The following TMCO4 variants were observed in gnomAD, a reference collection of about 807,000 sequenced individuals.
TMCO4 encodes the protein transmembrane and coiled-coil domains 4, also known as transmembrane and coiled-coil domain-containing protein 4.
In TMCO4, 58 loss-of-function variants were observed where a neutral mutation model predicts 64.7. That is an observed-to-expected ratio of 0.90 (90% CI 0.73 to 1.12). TMCO4 has a LOEUF of 1.12. Among genes scored for constraint, TMCO4 ranks in the 50% most tolerant of loss-of-function variants. The pLI is 0.00. For synonymous variants in TMCO4, 325 were observed against 346.1 expected, an observed-to-expected ratio of 0.94 and a Z score of 0.68; for missense variants, 780 against 825.9, an observed-to-expected ratio of 0.94 and a Z score of 0.68.
intron 13 of TMCO4, among the ~76,000 whole-genome samples, chr1:19,709,901 G>C (rs900732629): frequency 2.0e-5 from 3 of 150,836 alleles, no homozygotes; most frequent in Non-Finnish European, 2.9e-5. Flanking sequence ...TGATTCTCCT[G>C]CCTCAGCCTC....
intron 13 of TMCO4, among the ~76,000 whole-genome samples, chr1:19,728,913 C>G (rs1490108150): frequency 1.3e-5 from 2 of 152,200 alleles, no homozygotes; most frequent in Non-Finnish European, 2.9e-5. Flanking sequence ...GAGATCTTAG[C>G]TGAGGATTAA....
intron 4 of TMCO4, among the ~76,000 whole-genome samples, chr1:19,773,154 A>C (rs2101033918): frequency 6.6e-6 from 1 of 152,210 alleles, no homozygotes; most frequent in Admixed American, 6.5e-5. Context: ...GCACCACTGC[A>C]CTCCAGCCTG....
intron 13 of TMCO4, among the ~76,000 whole-genome samples, chr1:19,711,163 C>T (rs1228110321): frequency 6.6e-6 from 1 of 152,212 alleles, no homozygotes; most frequent in African/African-American, 2.4e-5. Flanking sequence ...CCACACATGC[C>T]TCATTTTATT....
At chr1:19,717,777 C>T (rs1223573619) in intron 13 of TMCO4, among the ~76,000 whole-genome samples, 1 of 152,222 alleles carries the variant, frequency 6.6e-6, no homozygotes, top group Non-Finnish European at 1.5e-5. Context: ...CTTTGAACTG[C>T]TGCAGCCCTT....
chr1:19,704,966 G>A (rs2095294530), intron 13 of TMCO4, among the ~76,000 whole-genome samples: 2 of 152,172 alleles, frequency 1.3e-5, no homozygotes, highest in South Asian at 4.1e-4. Context: ...GCCATGCCCA[G>A]ATGTACCCTT....
At chr1:19,705,723 G>T (rs2095299546) in intron 13 of TMCO4, among the ~76,000 whole-genome samples, 1 of 151,856 alleles carries the variant, frequency 6.6e-6, no homozygotes, top group Admixed American at 6.6e-5. Flanking sequence ...GAACGGGATG[G>T]TGTAGGAGGG....
At chr1:19,770,391 C>G in intron 6 of TMCO4, 151 bp downstream of exon 6, 1 of 790,942 alleles carries the variant, frequency 1.3e-6, no homozygotes, top group Non-Finnish European at 2.2e-6. Flanking sequence ...GAAGGGCTCA[C>G]CAGCTCACCA....
intron 2 of TMCO4, among the ~76,000 whole-genome samples, chr1:19,793,615 C>T (rs759097056): frequency 1.1e-4 from 16 of 152,164 alleles, no homozygotes; most frequent in African/African-American, 1.7e-4. Context: ...ACAGTTCCAA[C>T]GTAGAAGAAC....
chr1:19,710,380 T>C (rs964041535), intron 13 of TMCO4, among the ~76,000 whole-genome samples: 3 of 152,096 alleles, frequency 2.0e-5, no homozygotes, highest in South Asian at 2.1e-4. Flanking sequence ...CCCAAAGTGC[T>C]GGGATTCCAT....
chr1:19,696,411 A>T (rs527670835), intron 14 of TMCO4, among the ~76,000 whole-genome samples: 25 of 147,854 alleles, frequency 1.7e-4, no homozygotes, highest in Non-Finnish European at 3.4e-4. Context: ...TTAGCTGGGC[A>T]TGGTGGTGTG....
At chr1:19,687,666 A>G (rs941969353) in intron 15 of TMCO4, among the ~76,000 whole-genome samples, 1 of 152,206 alleles carries the variant, frequency 6.6e-6, no homozygotes, top group East Asian at 1.9e-4. Flanking sequence ...GGGACAAGTG[A>G]TAACTGCCTC....
At chr1:19,749,255 T>C (rs1215631872) in intron 7 of TMCO4, among the ~76,000 whole-genome samples, 2 of 152,204 alleles carry the variant, frequency 1.3e-5, no homozygotes, top group Non-Finnish European at 2.9e-5. Flanking sequence ...CAGTTATCCC[T>C]CTCTGCAGAA....
chr1:19,700,251 A>T (rs2095262952), intron 14 of TMCO4, among the ~76,000 whole-genome samples: 1 of 151,852 alleles, frequency 6.6e-6, no homozygotes, highest in Non-Finnish European at 1.5e-5. Flanking sequence ...AGGGTCTGTC[A>T]CCCTGTTTGG....
intron 1 of TMCO4, among the ~76,000 whole-genome samples, chr1:19,799,555 T>TCGCC: frequency 6.6e-6 from 1 of 152,140 alleles, no homozygotes; most frequent in East Asian, 1.9e-4. Context: ...GAGGCCGGAG[T>TCGCC]CGCCCGAGTG....
chr1:19,695,454 C>T (rs893023301), intron 14 of TMCO4, among the ~76,000 whole-genome samples: 2 of 152,238 alleles, frequency 1.3e-5, no homozygotes, highest in Non-Finnish European at 2.9e-5. Context: ...CCCCTCTGCA[C>T]CCCAGGCTCA....
chr1:19,780,742 C>G lies in TMCO4; in HGVS notation c.17G>C (p.Arg6Thr), dbSNP rs2043434345. Reference protein sequence around the residue: MAMWNRPCQRLPQQPL... With the variant: MAMWNTPCQRLPQQPL... ...CTGCTGAGGCAGCCTCTGGCATGGC[C>G]TGTTCCACATGGCCATTCCCAGCGC... The change falls in exon 4 of 16, where the codon AGG (arginine) becomes ACG (threonine). Residue 6 changes from arginine to threonine, a missense_variant. Physicochemically the swap from Arg to Thr is moderately conservative, Grantham distance 71. Coordinates refer to ENST00000294543, the MANE Select transcript of TMCO4 (RefSeq NM_181719.7). 6.3e-7 allele frequency: 1 copy of G among 1,591,048 alleles called. No homozygotes were observed. The highest frequency in any genetic ancestry group is 8.5e-7 in the Non-Finnish European group (1 of 1,173,384).
chr1:19,712,062 G>A lies in TMCO4; in HGVS notation c.1265-11177C>T, dbSNP rs540689232. ...TCCTCCCACCTCTGCATCCCAAAGC[G>A]CTGGGATTACAGGCATGAGCCACTG... is the stretch of plus-strand genomic sequence containing the variant. On this transcript the variant is annotated intron_variant, in intron 13 of 15. Transcript: ENST00000294543. 7.2e-5 allele frequency among the ~76,000 whole-genome samples: 11 copies of A among 152,168 alleles called. No homozygotes were observed. In the East Asian group the frequency reaches 9.7e-4, roughly 13 times the overall value.
chr1:19,715,524 GTATATTT>G (rs1399119843), intron 13 of TMCO4, among the ~76,000 whole-genome samples: 2 of 152,174 alleles, frequency 1.3e-5, no homozygotes, highest in Non-Finnish European at 2.9e-5. Context: ...TCCACTCTTT[GTATATTT>G]GGTGCCTAAT....
intron 14 of TMCO4, among the ~76,000 whole-genome samples, chr1:19,699,803 T>G (rs1323212421): frequency 6.6e-6 from 1 of 152,192 alleles, no homozygotes; most frequent in Admixed American, 6.5e-5. Context: ...GTATGTACCA[T>G]GCACACACAT....
Sources: gnomAD v4.1 joint callset for allele counts (sites outside exome capture counted in the v4.1 genomes callset) on GRCh38, gnomAD v4.1.1 for gene constraint, MANE v1.5 for transcripts, NCBI Gene and HGNC (gene_info 2026-07-23, HGNC 2026-07-21) for gene names.